Variants in RNF130 observed in about 807,000 individuals in gnomAD.
RNF130 encodes ring finger protein 130, also known as E3 ubiquitin-protein ligase RNF130.
In RNF130, 21 loss-of-function variants were observed where a neutral mutation model predicts 44.6. The ratio of observed to expected loss-of-function variants is 0.47; its 90% CI spans 0.33 to 0.68. RNF130 has a LOEUF of 0.68. Among genes scored for constraint, RNF130 ranks in the 30% least tolerant of loss-of-function variants. The pLI is 0.02. For missense variants in RNF130, 479 were observed against 560.6 expected (o/e 0.85, Z 1.47); for synonymous variants, 214 against 210.4 (o/e 1.02, Z -0.15).
chr5:179,964,987 C>T (rs1441005519), intron 7 of RNF130, among the ~76,000 whole-genome samples: 2 of 152,074 alleles, frequency 1.3e-5, no homozygotes, highest in Admixed American at 6.5e-5. Context: ...AATCAAGAGC[C>T]GAATGTCATC....
At chr5:180,012,040 A>G (rs1465801036) in intron 3 of RNF130, among the ~76,000 whole-genome samples, 1 of 152,166 alleles carries the variant, frequency 6.6e-6, no homozygotes, top group Non-Finnish European at 1.5e-5. Flanking sequence ...GGTATTTTAT[A>G]TCTACTTTCA....
chr5:179,937,576 A>G (rs1304049820), intron 7 of RNF130, among the ~76,000 whole-genome samples: 1 of 152,208 alleles, frequency 6.6e-6, no homozygotes, highest in Non-Finnish European at 1.5e-5. Flanking sequence ...AGGAGGTAGC[A>G]AATCAGAACC....
chr5:180,001,421 A>T lies in RNF130; in HGVS notation c.693+11640T>A, dbSNP rs1208427419. On this transcript the variant is annotated intron_variant, in intron 3 of 8. Coordinates refer to ENST00000521389, the MANE Select transcript of RNF130 (RefSeq NM_018434.6). ...TTTGTGGCACCTGTGGCAAAGTGGG[A>T]TATGTTACCCACATGGTCAGGATCT... is the stretch of plus-strand genomic sequence containing the variant. Among the ~76,000 whole-genome samples, 7 of 152,176 alleles carry T rather than the reference A, an allele frequency of 4.6e-5. No homozygotes were observed. In the South Asian group the frequency reaches 8.3e-4, roughly 18 times the overall value.
At chr5:179,973,889 T>C (rs887336020) in intron 5 of RNF130, among the ~76,000 whole-genome samples, 1 of 152,116 alleles carries the variant, frequency 6.6e-6, no homozygotes, top group Non-Finnish European at 1.5e-5. Context: ...AGTCCTTTAT[T>C]CCTATGAGAA....
chr5:179,933,714 A>C, intron 7 of RNF130: 1 of 328,820 alleles, frequency 3.0e-6, no homozygotes, highest in East Asian at 8.4e-5. Context: ...GTAGAGATGG[A>C]ATTTCACCAT....
At chr5:179,939,942 A>C in intron 7 of RNF130, 1 of 226,634 alleles carries the variant, frequency 4.4e-6, no homozygotes, top group Non-Finnish European at 8.9e-6. Context: ...CTTCTTTGTC[A>C]TAAACGTCCC....
intron 7 of RNF130, among the ~76,000 whole-genome samples, chr5:179,921,237 C>T (rs752358791): frequency 2.6e-5 from 4 of 152,124 alleles, no homozygotes; most frequent in Non-Finnish European, 5.9e-5. Flanking sequence ...ATATCCATTA[C>T]CCCAAAGTTT....
intron 2 of RNF130, among the ~76,000 whole-genome samples, chr5:180,034,898 T>C (rs1350600216): frequency 1.3e-5 from 2 of 152,236 alleles, no homozygotes; most frequent in Non-Finnish European, 2.9e-5. Context: ...GTAGAGTCAG[T>C]AGTGATGTCC....
intron 7 of RNF130, among the ~76,000 whole-genome samples, chr5:179,946,607 G>A (rs1334124768): frequency 6.7e-6 from 1 of 150,298 alleles, no homozygotes; most frequent in Non-Finnish European, 1.5e-5. Flanking sequence ...AGGCTGGAGT[G>A]CAGTGGTGTG....
chr5:180,041,812 A>C (rs1334676972), intron 1 of RNF130, among the ~76,000 whole-genome samples: 2 of 152,226 alleles, frequency 1.3e-5, no homozygotes, highest in Non-Finnish European at 2.9e-5. Flanking sequence ...GTGGTGGCTC[A>C]CGCCTGTTAA....
chr5:179,954,335 A>G (rs1337397585), downstream of RNF130, among the ~76,000 whole-genome samples: 2 of 152,250 alleles, frequency 1.3e-5, no homozygotes. Flanking sequence ...AACAGCGGAA[A>G]CAAGTCAAGC....
chr5:179,997,608 G>C (rs1763234978), intron 3 of RNF130, among the ~76,000 whole-genome samples: 1 of 152,020 alleles, frequency 6.6e-6, no homozygotes, highest in South Asian at 2.1e-4. Context: ...GATTACAGGT[G>C]TGAGCCACCG....
chr5:180,046,743 CG>C (rs1376719332), intron 1 of RNF130, among the ~76,000 whole-genome samples: 5 of 152,184 alleles, frequency 3.3e-5, no homozygotes, highest in Non-Finnish European at 7.4e-5. Flanking sequence ...TTCTCCAGAA[CG>C]CTTTCCCAGC....
At chr5:179,978,141 G>T in intron 5 of RNF130, 62 bp downstream of exon 5, 1 of 1,399,638 alleles carries the variant, frequency 7.1e-7, no homozygotes, top group Non-Finnish European at 1.0e-6. Context: ...TGCCCACCCT[G>T]AAAAGGAGGC....
intron 7 of RNF130, among the ~76,000 whole-genome samples, chr5:179,946,655 G>A (rs156097): frequency 0.75 from 111,022 of 147,966 alleles, 41,897 homozygotes; most frequent in African/African-American, 0.84. Flanking sequence ...CCGGGTTCAC[G>A]CCATTCTCCT....
chr5:180,071,346 G>T, intron 1 of RNF130, 110 bp downstream of exon 1: 1 of 1,095,784 alleles, frequency 9.1e-7, no homozygotes, highest in Non-Finnish European at 1.2e-6. Context: ...TGGGGCTGTC[G>T]GCCGGGCAGC....
At chr5:179,957,839 T>A (rs1427947986) in intron 8 of RNF130, among the ~76,000 whole-genome samples, 2 of 152,132 alleles carry the variant, frequency 1.3e-5, no homozygotes, top group African/African-American at 4.8e-5. Flanking sequence ...ACGGGCTGTG[T>A]GAGCAAAAGG....
At chr5:179,921,087 C>T (rs1761625878) in intron 7 of RNF130, among the ~76,000 whole-genome samples, 1 of 152,046 alleles carries the variant, frequency 6.6e-6, no homozygotes, top group African/African-American at 2.4e-5. Flanking sequence ...CTTACATTTC[C>T]TTTTCTATAA....
chr5:179,914,273 T>G (rs1761508858), exon 8 of RNF130: 1 of 152,286 alleles, frequency 6.6e-6, no homozygotes, highest in African/African-American at 2.4e-5. Flanking sequence ...GATGAGTCCT[T>G]ACTCATCTTC....
Sources: allele counts gnomAD v4.1 joint callset (sites outside exome capture counted in the v4.1 genomes callset), GRCh38; gene constraint gnomAD v4.1.1; transcripts MANE v1.5; gene names NCBI Gene and HGNC (gene_info 2026-07-23, HGNC 2026-07-21).